Variants in MAGI1 observed in about 807,000 individuals in gnomAD.
The protein encoded by MAGI1 is membrane-associated guanylate kinase, WW and PDZ domain-containing protein 1.
A neutral mutation model predicts 139.9 loss-of-function variants in MAGI1; 58 were observed. That is an observed-to-expected ratio of 0.41 (90% confidence interval 0.34 to 0.52). MAGI1 has a LOEUF of 0.52. Ranked by LOEUF, MAGI1 falls within the 20% of genes least tolerant of loss-of-function variation. MAGI1 has a pLI of 0.12. For synonymous variants in MAGI1, 812 were observed against 737.9 expected, an observed-to-expected ratio of 1.10 and a Z score of -1.63; for missense variants, 1,874 against 1,901.6, an observed-to-expected ratio of 0.99 and a Z score of 0.27.
intron 1 of MAGI1, among the ~76,000 whole-genome samples, chr3:66,007,878 T>G (rs1191047433): frequency 4.6e-5 from 7 of 151,216 alleles, no homozygotes; most frequent in Non-Finnish European, 7.4e-5. Flanking sequence ...CTGGAGCTTA[T>G]CTGGCTCCAT....
At chr3:65,380,532 C>G (rs1208365841) in intron 16 of MAGI1, among the ~76,000 whole-genome samples, 2 of 152,156 alleles carry the variant, frequency 1.3e-5, no homozygotes, top group Non-Finnish European at 2.9e-5. Context: ...CCACCCCCCA[C>G]CAACCATCAT....
At chr3:65,876,281 C>G (rs2060113543) in intron 1 of MAGI1, among the ~76,000 whole-genome samples, 1 of 152,026 alleles carries the variant, frequency 6.6e-6, no homozygotes, top group African/African-American at 2.4e-5. Context: ...ACGATCACGC[C>G]TGTGAACAGC....
chr3:65,859,987 C>T lies in MAGI1; in HGVS notation c.313+178009G>A, dbSNP rs564158263. ...CTCGGCTCACTGCAACCTCTGCCTC[C>T]GGGGTTCAAGCGATTCTCCTGCCTC... On this transcript the variant is annotated intron_variant, in intron 1 of 22. Transcript: ENST00000402939. Among the ~76,000 whole-genome samples, 38 of 151,748 alleles carry T rather than the reference C, an allele frequency of 2.5e-4. 1 individual carries two copies. In the East Asian group the frequency reaches 7.1e-3, roughly 28 times the overall value.
intron 6 of MAGI1, 94 bp from the exon 7 acceptor site, chr3:65,448,151 C>G: frequency 9.3e-7 from 1 of 1,072,252 alleles, no homozygotes; most frequent in Non-Finnish European, 1.5e-6. Context: ...AGGAAAACAG[C>G]AGCAAACACA....
chr3:65,663,942 TAAC>T (rs141471302), intron 1 of MAGI1, among the ~76,000 whole-genome samples: 280 of 152,328 alleles, frequency 1.8e-3, no homozygotes, highest in African/African-American at 6.4e-3. Context: ...TTACAGTTAA[TAAC>T]AACTATAATA....
At chr3:65,472,954 C>T (rs943205533) in intron 4 of MAGI1, among the ~76,000 whole-genome samples, 5 of 152,180 alleles carry the variant, frequency 3.3e-5, no homozygotes, top group African/African-American at 7.2e-5. Context: ...CCACACTATC[C>T]GAGTTTGAAT....
At chr3:65,470,585 A>T in intron 4 of MAGI1, 101 bp from the exon 5 acceptor site, 1 of 684,140 alleles carries the variant, frequency 1.5e-6, no homozygotes, top group East Asian at 2.5e-5. Context: ...AACTATACAC[A>T]TCTATATTCT....
intron 8 of MAGI1, among the ~76,000 whole-genome samples, chr3:65,440,851 G>GTATACACATATATGTACATA (rs1559556195): frequency 1.9e-4 from 3 of 16,038 alleles, no homozygotes; most frequent in African/African-American, 4.4e-4. Context: ...ATATACATAT[G>GTATACACATATATGTACATA]TATACATATA....
At chr3:65,728,017 G>C (rs1363883105) in intron 1 of MAGI1, among the ~76,000 whole-genome samples, 3 of 152,156 alleles carry the variant, frequency 2.0e-5, no homozygotes, top group African/African-American at 7.2e-5. Flanking sequence ...CATTTGTAAA[G>C]GGATATAGTC....
At chr3:65,860,171 C>CA (rs142470476) in intron 1 of MAGI1, among the ~76,000 whole-genome samples, 3,412 of 152,220 alleles carry the variant, frequency 0.022, 55 homozygotes, top group Middle Eastern at 0.065. Context: ...GTTGGGATTA[C>CA]AGGTGTCAGC....
At chr3:65,899,797 G>A (rs540316897) in intron 1 of MAGI1, among the ~76,000 whole-genome samples, 1 of 152,056 alleles carries the variant, frequency 6.6e-6, no homozygotes, top group African/African-American at 2.4e-5. Flanking sequence ...CTTTCAAAGG[G>A]GGATAAAGTT....
intron 1 of MAGI1, among the ~76,000 whole-genome samples, chr3:65,991,454 T>C (rs556845948): frequency 4.8e-4 from 73 of 152,222 alleles, no homozygotes; most frequent in Middle Eastern, 3.4e-3. Flanking sequence ...TATGAAAGTG[T>C]TCCTCTCCAG....
intron 1 of MAGI1, among the ~76,000 whole-genome samples, chr3:65,784,572 A>G (rs1054382635): frequency 1.3e-5 from 2 of 151,806 alleles, no homozygotes; most frequent in African/African-American, 4.8e-5. Flanking sequence ...GGGCGCGGTG[A>G]CGGGCGCCTG....
rs986516234 is a variant in MAGI1 at position 66,025,244 on chromosome 3, A to T, written c.313+12752T>A. On this transcript the variant is annotated intron_variant, in intron 1 of 22. Coordinates refer to ENST00000402939, the MANE Select transcript of MAGI1 (RefSeq NM_001033057.2). ...CTTGATCTACATATAGTATTTTTTT[A>T]AAGTCCATGATTGGCCAGGCACAGT... is the stretch of plus-strand genomic sequence containing the variant. Among the ~76,000 whole-genome samples, 26 of 152,296 alleles carry T rather than the reference A, an allele frequency of 1.7e-4. No homozygotes were observed. In the Middle Eastern group the frequency reaches 0.01, roughly 60 times the overall value.
chr3:65,608,173 G>A (rs2106904854), intron 2 of MAGI1, among the ~76,000 whole-genome samples: 2 of 152,306 alleles, frequency 1.3e-5, no homozygotes, highest in Middle Eastern at 3.4e-3. Context: ...CGGGTGGAGT[G>A]GCTCATGCCT....
At chr3:65,371,724 A>G (rs1942021539) in intron 18 of MAGI1, among the ~76,000 whole-genome samples, 1 of 152,236 alleles carries the variant, frequency 6.6e-6, no homozygotes. Flanking sequence ...TTTAATAATC[A>G]AAACCCTTTG....
intron 2 of MAGI1, among the ~76,000 whole-genome samples, chr3:65,611,627 G>GCA (rs2083125999): frequency 1.5e-5 from 2 of 134,780 alleles, no homozygotes; most frequent in African/African-American, 5.6e-5. Flanking sequence ...AGTATATACA[G>GCA]TATATATATA....
intron 1 of MAGI1, among the ~76,000 whole-genome samples, chr3:65,997,424 A>C (rs929732564): frequency 6.6e-6 from 1 of 152,200 alleles, no homozygotes; most frequent in Non-Finnish European, 1.5e-5. Flanking sequence ...TGGGAGGCTG[A>C]GGCAGGTGGA....
At chr3:65,775,856 C>T (rs2038375981) in intron 1 of MAGI1, among the ~76,000 whole-genome samples, 1 of 151,390 alleles carries the variant, frequency 6.6e-6, no homozygotes, top group African/African-American at 2.4e-5. Context: ...GTGGGAGGAT[C>T]ACCTGAACCT....
Sources: gnomAD v4.1 joint callset for allele counts (sites outside exome capture counted in the v4.1 genomes callset) on GRCh38, gnomAD v4.1.1 for gene constraint, MANE v1.5 for transcripts, NCBI Gene and HGNC (gene_info 2026-07-23, HGNC 2026-07-21) for gene names.